Variants in PCDHGB1 observed in about 807,000 individuals in gnomAD.
PCDHGB1 encodes the protein protocadherin gamma-B1.
A neutral mutation model predicts 56.6 loss-of-function variants in PCDHGB1; 34 were observed. The ratio of observed to expected loss-of-function variants is 0.60; its 90% CI spans 0.46 to 0.80. The LOEUF is 0.80. Ranked by LOEUF, PCDHGB1 falls within the 30% of genes least tolerant of loss-of-function variation. The pLI, the probability that PCDHGB1 is intolerant of heterozygous loss-of-function variation, is 0.00. For synonymous variants in PCDHGB1, 561 were observed against 505.9 expected (o/e 1.11, Z -1.46); for missense variants, 1,278 against 1,204.6 (o/e 1.06, Z -0.90).
At chr5:141,494,514 G>T (rs1457018569) in intron 1 of PCDHGB1, among the ~76,000 whole-genome samples, 2 of 152,160 alleles carry the variant, frequency 1.3e-5, no homozygotes, top group South Asian at 2.1e-4. Context: ...TTTTGGCTCA[G>T]GAGTTCTGAC....
chr5:141,452,172 T>G (rs1338447268), intron 1 of PCDHGB1, among the ~76,000 whole-genome samples: 1 of 152,206 alleles, frequency 6.6e-6, no homozygotes, highest in Non-Finnish European at 1.5e-5. Flanking sequence ...TTACTAACAT[T>G]TTTTATTTTG....
intron 1 of PCDHGB1, chr5:141,375,949 C>A: frequency 6.2e-7 from 1 of 1,613,568 alleles, no homozygotes; most frequent in Non-Finnish European, 8.5e-7. Flanking sequence ...TGGGCCTGCA[C>A]ACGGGCGAGG....
At chr5:141,384,236 A>T in intron 1 of PCDHGB1, 1 of 1,613,886 alleles carries the variant, frequency 6.2e-7, no homozygotes, top group Non-Finnish European at 8.5e-7. Context: ...GCAGACACCA[A>T]CGATAACCCA....
chr5:141,505,246 G>GAAGT, intron 2 of PCDHGB1, 147 bp from the exon 3 acceptor site: 3 of 1,436,674 alleles, frequency 2.1e-6, no homozygotes, highest in Non-Finnish European at 2.8e-6. Context: ...AAGGATTGTA[G>GAAGT]AAGTGCCTCC....
chr5:141,393,937 A>T, intron 1 of PCDHGB1: 1 of 1,613,906 alleles, frequency 6.2e-7, no homozygotes, highest in Non-Finnish European at 8.5e-7. Context: ...CATGACCAAG[A>T]CTCTGGAAAG....
Position 141,352,439 on chromosome 5 carries a change from C to T in PCDHGB1, c.2179C>T (p.Leu727Phe). 1 of 1,614,072 alleles carries T rather than the reference C, an allele frequency of 6.2e-7. No individual in the cohort carries two copies. Among genetic ancestry groups the T allele is most frequent in the Non-Finnish European group, 8.5e-7 (1 of 1,179,908 alleles). ...LDTEGCFQTG[L>F]CSKSGPGVPP... The stretch of plus-strand genomic sequence containing the variant: ...CACTGAGGGCTGCTTTCAAACCGGT[C>T]TCTGCTCCAAGTCTGGGCCCGGGGT... The change falls in exon 1 of 4, where the codon CTC becomes TTC. Residue 727 changes from leucine to phenylalanine, a missense_variant. By Grantham distance (22) the Leu-to-Phe change is conservative. Transcript: ENST00000523390.
intron 1 of PCDHGB1, among the ~76,000 whole-genome samples, chr5:141,492,922 T>C (rs1191111432): frequency 1.3e-5 from 2 of 152,194 alleles, no homozygotes; most frequent in Non-Finnish European, 2.9e-5. Context: ...TGCCCAGCGA[T>C]CTAGGGTCAG....
At chr5:141,464,978 GT>G in intron 1 of PCDHGB1, among the ~76,000 whole-genome samples, 1 of 152,148 alleles carries the variant, frequency 6.6e-6, no homozygotes, top group East Asian at 1.9e-4. Context: ...CTGGCTTCAA[GT>G]GATCCTCCCA....
chr5:141,409,751 C>T, intron 1 of PCDHGB1: 1 of 1,613,000 alleles, frequency 6.2e-7, no homozygotes, highest in Non-Finnish European at 8.5e-7. Flanking sequence ...GGTGTTCGCG[C>T]AGCGCGCCTT....
In PCDHGB1 at chr5:141,476,352, T is replaced by C. The variant is rs2099389565; in HGVS notation, c.2410-18455T>C. The C allele has an allele frequency of 1.2e-6, 2 of 1,613,826 alleles. No individual in the cohort carries two copies. Among genetic ancestry groups the C allele is most frequent in the African/African-American group, 1.3e-5 (1 of 74,852 alleles). On this transcript the variant is annotated intron_variant, in intron 1 of 3. Transcript: ENST00000523390. The surrounding 1 kb of genome is among the most constrained non-coding windows in gnomAD (Gnocchi z 7.6). ...GGAGCTAGCCGAAGATTCTTTGAGG[T>C]GAACCGGGAGACCGGAGAGATGTTT...
rs778538278 is a variant in PCDHGB1 at position 141,371,482 on chromosome 5, G to A, written c.2409+18813G>A. The A allele has an allele frequency of 1.4e-5, 22 of 1,613,812 alleles. No individual in the cohort carries two copies. The African/African-American group carries it at 2.8e-4, about 21-fold the overall frequency. Reference sequence around the variant, plus strand: ...CATATACAAGAAGATGCTGAGCTGGGGACTGCCGTTGCCCTGATCAAAACA... The same window carrying A: ...CATATACAAGAAGATGCTGAGCTGGAGACTGCCGTTGCCCTGATCAAAACA... On this transcript the variant is annotated intron_variant, in intron 1 of 3. Coordinates refer to ENST00000523390, the MANE Select transcript of PCDHGB1 (RefSeq NM_018922.3).
chr5:141,398,566 C>T, intron 1 of PCDHGB1: 1 of 1,613,980 alleles, frequency 6.2e-7, no homozygotes, highest in Non-Finnish European at 8.5e-7. Flanking sequence ...TGAGTCTGCA[C>T]AGCCTGGCAC....
intron 1 of PCDHGB1, among the ~76,000 whole-genome samples, chr5:141,387,391 A>T (rs1029358024): frequency 4.6e-5 from 7 of 152,220 alleles, no homozygotes; most frequent in Non-Finnish European, 1.0e-4. Context: ...TAGATAGTGC[A>T]TGTTTGAAGA....
chr5:141,410,032 G>C (rs1395086834), intron 1 of PCDHGB1: 5 of 1,613,162 alleles, frequency 3.1e-6, no homozygotes, highest in African/African-American at 1.3e-5. Flanking sequence ...ACGTGCTGCA[G>C]GCCAGTGAGC....
intron 1 of PCDHGB1, among the ~76,000 whole-genome samples, chr5:141,435,651 C>T (rs762264332): frequency 1.4e-4 from 22 of 152,044 alleles, no homozygotes; most frequent in Non-Finnish European, 2.9e-4. Flanking sequence ...ATTTCTGAAA[C>T]GTGCACAGAT....
Position 141,490,743 on chromosome 5 carries a change from C to T in PCDHGB1, c.2410-4064C>T, listed in dbSNP as rs1011278142. 7.4e-6 allele frequency: 12 copies of T among 1,614,058 alleles called. No homozygotes were observed. The highest frequency in any genetic ancestry group is 1.0e-5 in the Non-Finnish European group (12 of 1,180,038). On this transcript the variant is annotated intron_variant, in intron 1 of 3. Transcript: ENST00000523390. This position sits in a 1 kb window ranked among gnomAD's most constrained non-coding sequence, Gnocchi z 5.4. ...TTGTAGGAAATCAGGTTCAGGGAGC[C>T]CCAGCCTCCTCCTTTGTGTATGTCA...
chr5:141,445,608 C>T (rs2098472204), intron 1 of PCDHGB1, among the ~76,000 whole-genome samples: 1 of 152,108 alleles, frequency 6.6e-6, no homozygotes, highest in South Asian at 2.1e-4. Context: ...TCAAGGAAGG[C>T]TTTCTTTTTT....
At chr5:141,359,599 A>G (rs1034333334) in intron 1 of PCDHGB1, among the ~76,000 whole-genome samples, 1 of 152,038 alleles carries the variant, frequency 6.6e-6, no homozygotes, top group East Asian at 1.9e-4. Context: ...TAAAAAAGCA[A>G]TGTGCAGAAT....
At chr5:141,372,885 A>G (rs1011969316) in intron 1 of PCDHGB1, 5 of 1,202,158 alleles carry the variant, frequency 4.2e-6, no homozygotes, top group Non-Finnish European at 4.5e-6. Flanking sequence ...AAAAGAATAC[A>G]GATTAAATAT....
Sources: allele counts gnomAD v4.1 joint callset (sites outside exome capture counted in the v4.1 genomes callset), GRCh38; gene constraint gnomAD v4.1.1; non-coding constraint Gnocchi (gnomAD v3.1); transcripts MANE v1.5; gene names NCBI Gene and HGNC (gene_info 2026-07-23, HGNC 2026-07-21).